TMEM150C: variants seen among roughly 807,000 people sequenced by gnomAD.
The protein encoded by TMEM150C is tentonin 3.
Under a neutral mutation model 29.9 loss-of-function variants are expected in TMEM150C, and 10 were observed. The observed-to-expected ratio is 0.33, with a 90% CI of 0.21 to 0.57. The LOEUF (loss-of-function observed/expected upper bound fraction) is 0.57. Among genes scored for constraint, TMEM150C ranks in the 20% least tolerant of loss-of-function variants. TMEM150C has a pLI of 0.88. For synonymous variants in TMEM150C, 101 were observed against 112.5 expected, an observed-to-expected ratio of 0.90 and a Z score of 0.64; for missense variants, 251 against 303.6, an observed-to-expected ratio of 0.83 and a Z score of 1.29.
At chr4:82,562,206 G>T (rs994379762), upstream of TMEM150C, 2 of 1,285,612 alleles carry the variant, frequency 1.6e-6, no homozygotes, top group Non-Finnish European at 2.0e-6. Flanking sequence ...GCTTCCTTCC[G>T]AAGCCTTTGT....
intron 1 of TMEM150C, among the ~76,000 whole-genome samples, chr4:82,514,852 C>T (rs529765664): frequency 2.6e-5 from 4 of 152,138 alleles, no homozygotes; most frequent in Admixed American, 6.5e-5. Flanking sequence ...TGAGCCCCTT[C>T]GCCCCTCACT....
intron 5 of TMEM150C, among the ~76,000 whole-genome samples, chr4:82,498,798 G>A (rs762812100): frequency 5.9e-5 from 9 of 152,078 alleles, no homozygotes; most frequent in Non-Finnish European, 1.2e-4. Context: ...ATCTATTTCT[G>A]TCCAGTAAAC....
chr4:82,495,542 A>G, intron 6 of TMEM150C: 1 of 355,402 alleles, frequency 2.8e-6, no homozygotes. Context: ...CTTTTTTTTC[A>G]CAATAACAAA....
chr4:82,502,603 A>G, intron 5 of TMEM150C, 124 bp downstream of exon 5: 2 of 941,744 alleles, frequency 2.1e-6, no homozygotes, highest in Non-Finnish European at 3.2e-6. Context: ...GCTTCAGCAT[A>G]TTGACATCGT....
At chr4:82,520,104 T>C (rs990568796) in intron 1 of TMEM150C, among the ~76,000 whole-genome samples, 1 of 152,224 alleles carries the variant, frequency 6.6e-6, no homozygotes, top group African/African-American at 2.4e-5. Flanking sequence ...CTGGGCAGAC[T>C]GGTCTTAGGC....
At chr4:82,551,627 T>C (rs1203623565) in intron 1 of TMEM150C, among the ~76,000 whole-genome samples, 1 of 152,172 alleles carries the variant, frequency 6.6e-6, no homozygotes, top group Admixed American at 6.5e-5. Flanking sequence ...ACGTGACTAC[T>C]CTTTTTGATC....
chr4:82,511,492 T>TTTTTTTTTTTA (rs1724124649), intron 1 of TMEM150C, among the ~76,000 whole-genome samples: 3 of 149,502 alleles, frequency 2.0e-5, no homozygotes, highest in South Asian at 2.1e-4. Context: ...TTTTTTTTTT[T>TTTTTTTTTTTA]GAGATAGGGT....
At chr4:82,522,150 C>T (rs1181025210) in intron 1 of TMEM150C, among the ~76,000 whole-genome samples, 2 of 152,260 alleles carry the variant, frequency 1.3e-5, no homozygotes, top group Admixed American at 1.3e-4. Flanking sequence ...GGTTAGGAGG[C>T]TACAGGAAGA....
rs1725951213 is a variant in TMEM150C, at chr4:82,561,932, C to T, written c.-37G>A. On this transcript the variant is annotated 5_prime_UTR_variant, in exon 1 of 8. Transcript: ENST00000449862. ...TGCTCTGGTGCGGCGGGGCCGCTGTCGCCTCGAGGGGCTGTGACCTGCTGC... is the reference window on the plus strand; with the variant it reads ...TGCTCTGGTGCGGCGGGGCCGCTGTTGCCTCGAGGGGCTGTGACCTGCTGC... 4 of 1,038,234 alleles carry T rather than the reference C, an allele frequency of 3.9e-6. No homozygotes were observed. Among genetic ancestry groups the T allele is most frequent in the African/African-American group, 1.7e-5 (1 of 57,462 alleles). 64.3% of individuals were successfully genotyped at this position (1,038,234 alleles called of 1,614,324 possible).
At chr4:82,500,194 G>C (rs1248244688) in intron 5 of TMEM150C, among the ~76,000 whole-genome samples, 2 of 152,204 alleles carry the variant, frequency 1.3e-5, no homozygotes, top group Non-Finnish European at 2.9e-5. Context: ...AAATATCTTT[G>C]CTAATTTTAA....
chr4:82,497,209 G>A (rs1436744775), intron 5 of TMEM150C, among the ~76,000 whole-genome samples: 2 of 152,140 alleles, frequency 1.3e-5, no homozygotes, highest in Non-Finnish European at 2.9e-5. Flanking sequence ...AGAGTTGGGA[G>A]AGGTTAGTCT....
intron 1 of TMEM150C, among the ~76,000 whole-genome samples, chr4:82,540,418 C>A (rs1162182767): frequency 6.6e-6 from 1 of 151,748 alleles, no homozygotes; most frequent in Non-Finnish European, 1.5e-5. Context: ...CTGGCTATTA[C>A]CTATTCTTTT....
intron 1 of TMEM150C, among the ~76,000 whole-genome samples, chr4:82,525,527 G>A (rs1724624548): frequency 6.6e-6 from 1 of 152,190 alleles, no homozygotes; most frequent in Admixed American, 6.5e-5. Flanking sequence ...TAAAGAAAGG[G>A]GGATAGAATA....
chr4:82,553,628 A>C lies in TMEM150C; in HGVS notation c.-11+8278T>G, dbSNP rs1408190871. Among the ~76,000 whole-genome samples the C allele has an allele frequency of 2.0e-5, 3 of 152,238 alleles. No individual in the cohort carries two copies. The East Asian group carries it at 5.8e-4, about 29-fold the overall frequency. On this transcript the variant is annotated intron_variant, in intron 1 of 7. Coordinates refer to ENST00000449862, the MANE Select transcript of TMEM150C (RefSeq NM_001080506.3). ...ATAAGTTAGAACTTGTGTTATGAAC[A>C]AGAAAGAAGAGTGAAAAAAAGTCAC...
chr4:82,562,117 C>G (rs1725960062), upstream of TMEM150C: 4 of 1,258,888 alleles, frequency 3.2e-6, no homozygotes, highest in Non-Finnish European at 3.1e-6. Flanking sequence ...AGTTGATCCC[C>G]TGGGTCTCGG....
chr4:82,504,695 A>C (rs768158064), intron 1 of TMEM150C, 28 bp from the exon 2 acceptor site: 1 of 1,565,436 alleles, frequency 6.4e-7, no homozygotes, highest in South Asian at 1.1e-5. Context: ...CGTATTAATA[A>C]TTAAGGCAAA....
At chr4:82,498,577 G>A (rs954164162) in intron 5 of TMEM150C, among the ~76,000 whole-genome samples, 27 of 152,194 alleles carry the variant, frequency 1.8e-4, no homozygotes, top group Admixed American at 1.6e-3. Context: ...GTGAGCCACC[G>A]CGCCTGGCTG....
chr4:82,493,682 A>T (rs1364894238), intron 6 of TMEM150C, among the ~76,000 whole-genome samples: 5 of 152,210 alleles, frequency 3.3e-5, no homozygotes, highest in Non-Finnish European at 5.9e-5. Context: ...ATAGTGACTG[A>T]GCACTTTACA....
At chr4:82,519,718 A>C (rs1429003763) in intron 1 of TMEM150C, among the ~76,000 whole-genome samples, 1 of 152,108 alleles carries the variant, frequency 6.6e-6, no homozygotes, top group Admixed American at 6.5e-5. Flanking sequence ...TGAGCCACCA[A>C]GCCTGGCCAC....
Sources: allele counts gnomAD v4.1 joint callset (sites outside exome capture counted in the v4.1 genomes callset), GRCh38; gene constraint gnomAD v4.1.1; transcripts MANE v1.5; gene names NCBI Gene and HGNC (gene_info 2026-07-23, HGNC 2026-07-21).